The following LPP variants were observed in gnomAD, a reference collection of about 807,000 sequenced individuals.
The protein encoded by LPP is lipoma-preferred partner.
LPP carries 38 observed loss-of-function variants against 60.4 expected under a neutral mutation model. That is an observed-to-expected ratio of 0.63 (90% CI 0.49 to 0.83). The LOEUF (loss-of-function observed/expected upper bound fraction) is 0.83, where lower values mean the gene tolerates loss of function less well. LPP is among the 40% of genes least tolerant of loss of function. LPP has a pLI of 0.00. For synonymous variants in LPP, 328 were observed against 290.8 expected (o/e 1.13, Z -1.30); for missense variants, 902 against 783.6 (o/e 1.15, Z -1.80).
intron 3 of LPP, among the ~76,000 whole-genome samples, chr3:188,371,639 A>ATT (rs1409761562): frequency 7.2e-5 from 2 of 27,658 alleles, no homozygotes; most frequent in Admixed American, 6.6e-4. Flanking sequence ...ATATATATAT[A>ATT]TATTTTTTTT....
At chr3:188,697,279 G>A (rs11705799) in intron 7 of LPP, among the ~76,000 whole-genome samples, 7 of 152,314 alleles carry the variant, frequency 4.6e-5, no homozygotes, top group Non-Finnish European at 8.8e-5. Flanking sequence ...CCTTGTGTTA[G>A]GTGAAAGATG....
rs992507727 is a variant in LPP, at chr3:188,884,202, G to A, written c.*9723G>A. On this transcript the variant is annotated 3_prime_UTR_variant, in exon 12 of 12. Coordinates refer to ENST00000617246, the MANE Select transcript of LPP (RefSeq NM_001375462.1). ...TCTAGAAGAGAAAGCTGAGGCTCAA[G>A]CCATTAAGTGACTTGCCAAAAGCTG... 2.6e-5 allele frequency: 6 copies of A among 229,010 alleles called. No homozygotes were observed. Among genetic ancestry groups the A allele is most frequent in the Admixed American group, 5.7e-5 (1 of 17,632 alleles). 14.2% of individuals were successfully genotyped at this position (229,010 alleles called of 1,614,324 possible).
At chr3:188,726,065 T>A (rs1718278791) in intron 8 of LPP, among the ~76,000 whole-genome samples, 1 of 152,134 alleles carries the variant, frequency 6.6e-6, no homozygotes. Flanking sequence ...CTAGAGTCTG[T>A]CCTGAAAGTG....
At chr3:188,831,619 A>G (rs1246223357) in intron 9 of LPP, among the ~76,000 whole-genome samples, 1 of 152,222 alleles carries the variant, frequency 6.6e-6, no homozygotes, top group Non-Finnish European at 1.5e-5. Flanking sequence ...TGTACACTGC[A>G]TAGATTGAGT....
intron 1 of LPP, among the ~76,000 whole-genome samples, chr3:188,173,325 A>G (rs951221885): frequency 1.3e-5 from 2 of 152,086 alleles, no homozygotes; most frequent in South Asian, 4.1e-4. Context: ...ACATGGAGAA[A>G]GCCCATCTCT....
intron 9 of LPP, among the ~76,000 whole-genome samples, chr3:188,832,777 G>A (rs1757442429): frequency 6.6e-6 from 1 of 152,166 alleles, no homozygotes; most frequent in Non-Finnish European, 1.5e-5. Flanking sequence ...CTTGCATGTT[G>A]TCAAGTTCAG....
intron 1 of LPP, among the ~76,000 whole-genome samples, chr3:188,219,187 C>T (rs547663175): frequency 3.9e-5 from 6 of 152,112 alleles, no homozygotes; most frequent in East Asian, 1.9e-4. Context: ...TACATATTAT[C>T]GTTTCCATTT....
intron 8 of LPP, among the ~76,000 whole-genome samples, chr3:188,744,168 A>C (rs1446353583): frequency 2.0e-5 from 3 of 152,164 alleles, no homozygotes. Context: ...ACACGTGTAC[A>C]CAAAGGTGTA....
At chr3:188,561,719 T>G (rs1830732786) in intron 6 of LPP, among the ~76,000 whole-genome samples, 1 of 152,076 alleles carries the variant, frequency 6.6e-6, no homozygotes, top group African/African-American at 2.4e-5. Flanking sequence ...TAAATTACTC[T>G]GCTTCATTTT....
chr3:188,691,299 C>T (rs16863529), intron 7 of LPP, among the ~76,000 whole-genome samples: 17,437 of 152,192 alleles, frequency 0.11, 1,339 homozygotes, highest in East Asian at 0.45. Flanking sequence ...AGGCCATGGA[C>T]TATAGAGTCA....
intron 7 of LPP, among the ~76,000 whole-genome samples, chr3:188,644,571 G>C (rs1215800489): frequency 6.6e-6 from 1 of 151,994 alleles, no homozygotes; most frequent in Admixed American, 6.6e-5. Flanking sequence ...ATCTAAGAAT[G>C]GTTCTCTCTT....
At chr3:188,430,314 T>G (rs1790569924) in intron 4 of LPP, among the ~76,000 whole-genome samples, 1 of 152,160 alleles carries the variant, frequency 6.6e-6, no homozygotes, top group South Asian at 2.1e-4. Flanking sequence ...TTTTAACAAC[T>G]TTCCCTGGCT....
rs1768420184 is a variant in LPP at position 188,872,627 on chromosome 3, C to T, written c.1590-16C>T. On this transcript the variant is annotated splice_polypyrimidine_tract_variant and intron_variant, in intron 10 of 11. Transcript: ENST00000617246. ...CGACGCGCAGTATCTAACCAGAACT[C>T]TCTCTTCACTTTCAGGAAATTTGCC... 3.7e-6 allele frequency: 6 copies of T among 1,613,970 alleles called. No homozygotes were observed. In the East Asian group the frequency reaches 1.1e-4, roughly 30 times the overall value.
At chr3:188,782,886 C>G (rs979263140) in intron 9 of LPP, among the ~76,000 whole-genome samples, 4 of 152,104 alleles carry the variant, frequency 2.6e-5, no homozygotes, top group African/African-American at 9.7e-5. Flanking sequence ...ACTTCTATCT[C>G]CCTTCCCCAC....
Position 188,521,393 on chromosome 3 carries a change from G to A in LPP, c.307-3272G>A, listed in dbSNP as rs1818826360. ...ATATCATAATTACTTGTTTTATTGT[G>A]TAGTTCAGGGTAATTCTGTGACTTG... On this transcript the variant is annotated intron_variant, in intron 5 of 11. Transcript: ENST00000617246. Among the ~76,000 whole-genome samples, 3 of 152,064 alleles carry A rather than the reference G, an allele frequency of 2.0e-5. No homozygotes were observed. In the South Asian group the frequency reaches 6.2e-4, roughly 32 times the overall value.
At chr3:188,347,067 G>A (rs2150743880) in intron 3 of LPP, among the ~76,000 whole-genome samples, 1 of 152,230 alleles carries the variant, frequency 6.6e-6, no homozygotes, top group East Asian at 1.9e-4. Context: ...ATAGAAAATT[G>A]CTAGGTGCTC....
At chr3:188,621,472 C>T (rs1318268526) in intron 7 of LPP, among the ~76,000 whole-genome samples, 2 of 152,252 alleles carry the variant, frequency 1.3e-5, no homozygotes, top group Admixed American at 1.3e-4. Context: ...CCTCTAGCTC[C>T]ATCTATGTTG....
chr3:188,386,262 G>GCACACACACACACACA (rs1491209525), intron 3 of LPP, among the ~76,000 whole-genome samples: 2 of 69,472 alleles, frequency 2.9e-5, no homozygotes, highest in African/African-American at 9.3e-5. Flanking sequence ...CATAGCATGC[G>GCACACACACACACACA]CGCACACACA....
intron 6 of LPP, chr3:188,584,400 A>T (rs1391473158): frequency 6.6e-6 from 1 of 152,170 alleles, no homozygotes; most frequent in Admixed American, 6.5e-5. Flanking sequence ...GTAGGTTGCG[A>T]AAGTGATTAA....
Sources: gnomAD v4.1 joint callset for allele counts (sites outside exome capture counted in the v4.1 genomes callset) on GRCh38, gnomAD v4.1.1 for gene constraint, MANE v1.5 for transcripts, NCBI Gene and HGNC (gene_info 2026-07-23, HGNC 2026-07-21) for gene names.